Variants in CTTNBP2NL observed in about 807,000 individuals in gnomAD.
CTTNBP2NL encodes CTTNBP2 N-terminal-like protein.
In CTTNBP2NL, 16 loss-of-function variants were observed where a neutral mutation model predicts 32.5. The observed-to-expected ratio is 0.49, with a 90% CI of 0.33 to 0.75. The LOEUF is 0.75. Among genes scored for constraint, CTTNBP2NL ranks in the 30% least tolerant of loss-of-function variants. The pLI, the probability that CTTNBP2NL is intolerant of heterozygous loss-of-function variation, is 0.02. For missense variants in CTTNBP2NL, 645 were observed against 756.0 expected (o/e 0.85, Z 1.72); for synonymous variants, 298 against 289.4 (o/e 1.03, Z -0.30).
At chr1:112,411,307 A>C (rs528275680) in intron 1 of CTTNBP2NL, among the ~76,000 whole-genome samples, 18 of 152,340 alleles carry the variant, frequency 1.2e-4, no homozygotes, top group African/African-American at 4.3e-4. Flanking sequence ...CCTTAAAATA[A>C]AAGGCAAAGA....
chr1:112,445,252 C>T (rs372593096), intron 3 of CTTNBP2NL, among the ~76,000 whole-genome samples: 1 of 152,242 alleles, frequency 6.6e-6, no homozygotes, highest in African/African-American at 2.4e-5. Flanking sequence ...CCTGACCCTC[C>T]AAAACTGTGA....
In CTTNBP2NL at chr1:112,449,006, T is replaced by C. The variant is rs765522549; in HGVS notation, c.164T>C (p.Met55Thr). 1 of 1,613,550 alleles carries C rather than the reference T, an allele frequency of 6.2e-7. No individual in the cohort carries two copies. Among genetic ancestry groups the C allele is most frequent in the Admixed American group, 1.7e-5 (1 of 60,024 alleles). The stretch of plus-strand genomic sequence containing the variant: ...AAATATAACATCAGTGATCCTTTAA[T>C]GGCTCTACAGAGAGATTTTGAAACA... Reference protein sequence around the residue: ...YGKYNISDPLMALQRDFETLK... With the variant: ...YGKYNISDPLTALQRDFETLK... The change falls in exon 4 of 6, where the codon ATG becomes ACG. Residue 55 changes from methionine (M) to threonine (T), a missense_variant. Coordinates refer to ENST00000271277, the MANE Select transcript of CTTNBP2NL (RefSeq NM_018704.3).
At chr1:112,391,709 C>G (rs1342880391), upstream of CTTNBP2NL, among the ~76,000 whole-genome samples, 1 of 152,108 alleles carries the variant, frequency 6.6e-6, no homozygotes, top group Non-Finnish European at 1.5e-5. Context: ...TAAAATCAGT[C>G]CAGGCCGGGC....
chr1:112,394,432 T>C (rs759204345), upstream of CTTNBP2NL, among the ~76,000 whole-genome samples: 1 of 152,186 alleles, frequency 6.6e-6, no homozygotes, highest in Non-Finnish European at 1.5e-5. Flanking sequence ...TAACACTCTG[T>C]ATTTGTAATC....
At chr1:112,421,383 C>T (rs2026501) in intron 3 of CTTNBP2NL, among the ~76,000 whole-genome samples, 74,399 of 146,974 alleles carry the variant, frequency 0.51, 21,521 homozygotes, top group South Asian at 0.7. Flanking sequence ...TCACTGCAAC[C>T]TCTGCCTCCT....
intron 3 of CTTNBP2NL, among the ~76,000 whole-genome samples, chr1:112,424,998 T>C (rs1649350329): frequency 6.6e-6 from 1 of 151,318 alleles, no homozygotes; most frequent in Admixed American, 6.6e-5. Flanking sequence ...TTTTTTTTTT[T>C]TTTGGTAGAG....
intron 3 of CTTNBP2NL, among the ~76,000 whole-genome samples, chr1:112,426,731 T>A (rs955935357): frequency 2.6e-5 from 4 of 151,406 alleles, no homozygotes; most frequent in African/African-American, 9.7e-5. Flanking sequence ...CTCAGCCTCC[T>A]GAGTAACTGG....
chr1:112,412,915 T>A (rs759987960), intron 2 of CTTNBP2NL, among the ~76,000 whole-genome samples: 5 of 152,182 alleles, frequency 3.3e-5, no homozygotes. Context: ...TGGGTAACCA[T>A]GCCTAGCCGA....
chr1:112,399,111 A>T (rs1271774296), intron 1 of CTTNBP2NL, among the ~76,000 whole-genome samples: 1 of 151,876 alleles, frequency 6.6e-6, no homozygotes, highest in Non-Finnish European at 1.5e-5. Flanking sequence ...CGAGGTCAGG[A>T]GTTCGAGACC....
At chr1:112,447,071 G>A (rs1445075508) in intron 3 of CTTNBP2NL, among the ~76,000 whole-genome samples, 6 of 151,884 alleles carry the variant, frequency 4.0e-5, no homozygotes, top group South Asian at 4.2e-4. Flanking sequence ...TCGGGAGATC[G>A]AGACCATCCT....
intron 3 of CTTNBP2NL, among the ~76,000 whole-genome samples, chr1:112,438,917 C>T (rs1649818423): frequency 6.6e-6 from 1 of 152,140 alleles, no homozygotes; most frequent in African/African-American, 2.4e-5. Context: ...CGTTTTTACT[C>T]TCTCCCCATT....
chr1:112,398,321 G>A (rs1327677853), intron 1 of CTTNBP2NL, among the ~76,000 whole-genome samples: 1 of 152,158 alleles, frequency 6.6e-6, no homozygotes, highest in Non-Finnish European at 1.5e-5. Context: ...GGTCATGCTA[G>A]GTGAAGAAAA....
At chr1:112,433,342 C>A (rs896447851) in intron 3 of CTTNBP2NL, among the ~76,000 whole-genome samples, 4 of 152,056 alleles carry the variant, frequency 2.6e-5, no homozygotes, top group African/African-American at 9.7e-5. Flanking sequence ...GCCTGTAATC[C>A]CAGCACTTTG....
intron 3 of CTTNBP2NL, among the ~76,000 whole-genome samples, chr1:112,444,561 C>G (rs1387926022): frequency 6.6e-6 from 1 of 152,150 alleles, no homozygotes; most frequent in Non-Finnish European, 1.5e-5. Context: ...AGTTATTTTT[C>G]TGCTGTCTGA....
At chr1:112,452,544 A>G (rs918762946) in intron 4 of CTTNBP2NL, among the ~76,000 whole-genome samples, 2 of 149,190 alleles carry the variant, frequency 1.3e-5, no homozygotes, top group African/African-American at 2.5e-5. Context: ...GGGTTTCTCC[A>G]TGTTGGTCAG....
upstream of CTTNBP2NL, among the ~76,000 whole-genome samples, chr1:112,393,257 A>G (rs1648227352): frequency 6.6e-6 from 1 of 152,190 alleles, no homozygotes. Flanking sequence ...TGATGACAGA[A>G]TAAGAACTAG....
At chr1:112,403,005 C>T (rs143574768) in intron 1 of CTTNBP2NL, among the ~76,000 whole-genome samples, 4 of 152,178 alleles carry the variant, frequency 2.6e-5, no homozygotes, top group Admixed American at 1.3e-4. Flanking sequence ...CACCCAGTCT[C>T]AAAACCTCAG....
chr1:112,397,998 A>C (rs1346096739), intron 1 of CTTNBP2NL, among the ~76,000 whole-genome samples: 3 of 152,224 alleles, frequency 2.0e-5, no homozygotes, highest in South Asian at 4.1e-4. Flanking sequence ...GAAAGTACAA[A>C]GAAGAAACTG....
rs754533746 is a variant in CTTNBP2NL at position 112,405,370 on chromosome 1, T to C, written c.-133-6824T>C. The stretch of plus-strand genomic sequence containing the variant: ...TGTAGTGCAGTGGTGCAATCTCAGC[T>C]CACTGCAACCTCCACCTCCTGGGTT... On this transcript the variant is annotated intron_variant, in intron 1 of 5. Transcript: ENST00000271277. Among the ~76,000 whole-genome samples, 36 of 152,170 alleles carry C rather than the reference T, an allele frequency of 2.4e-4. 1 individual carries two copies. Among genetic ancestry groups the C allele is most frequent in the Admixed American group, 1.9e-3 (29 of 15,282 alleles).
Sources: gnomAD v4.1 joint callset for allele counts (sites outside exome capture counted in the v4.1 genomes callset) on GRCh38, gnomAD v4.1.1 for gene constraint, MANE v1.5 for transcripts, NCBI Gene and HGNC (gene_info 2026-07-23, HGNC 2026-07-21) for gene names.